The following DTX1 variants were observed in gnomAD, a reference collection of about 807,000 sequenced individuals.
The protein encoded by DTX1 is E3 ubiquitin-protein ligase DTX1.
In DTX1, 26 loss-of-function variants were observed where a neutral mutation model predicts 57.8. The ratio of observed to expected loss-of-function variants is 0.45; its 90% CI spans 0.33 to 0.62. The LOEUF is 0.62. Among genes scored for constraint, DTX1 ranks in the 20% least tolerant of loss-of-function variants. The pLI is 0.02. For missense variants in DTX1, 704 were observed against 895.3 expected, an observed-to-expected ratio of 0.79 and a Z score of 2.73; for synonymous variants, 398 against 394.1, an observed-to-expected ratio of 1.01 and a Z score of -0.12.
chr12:113,057,334 C>T (rs1421378608), intron 1 of DTX1, 115 bp from the exon 2 acceptor site: 1 of 152,536 alleles, frequency 6.6e-6, no homozygotes, highest in East Asian at 1.9e-4. Flanking sequence ...GTACGCCCCC[C>T]TTGCTGTCCC....
chr12:113,066,062 C>T (rs3809163), intron 2 of DTX1, among the ~76,000 whole-genome samples: 10,820 of 152,178 alleles, frequency 0.071, 1,064 homozygotes, highest in African/African-American at 0.22. Flanking sequence ...ATAGTCACCC[C>T]CATGAGCCCA....
chr12:113,091,089 T>G (rs1950243871), intron 3 of DTX1, among the ~76,000 whole-genome samples: 3 of 152,190 alleles, frequency 2.0e-5, no homozygotes, highest in Admixed American at 2.0e-4. Flanking sequence ...GCTGCCCACC[T>G]TACCCAGCTC....
chr12:113,065,270 C>T (rs1264789453), intron 2 of DTX1, among the ~76,000 whole-genome samples: 2 of 152,210 alleles, frequency 1.3e-5, no homozygotes, highest in African/African-American at 4.8e-5. Flanking sequence ...GGGTGTCACC[C>T]CATTTTACAC....
chr12:113,094,067 T>C lies in DTX1; in HGVS notation c.1195T>C (p.Tyr399His), dbSNP rs1380128186. The C allele has an allele frequency of 1.3e-6, 2 of 1,544,580 alleles. No individual in the cohort carries two copies. Among genetic ancestry groups the C allele is most frequent in the East Asian group, 4.8e-5 (2 of 41,762 alleles). Residue 399 changes from tyrosine (Y) to histidine (H), a missense_variant, in exon 6 of 10, where the codon TAC becomes CAC. By Grantham distance (83) the Tyr-to-His change is moderately conservative. This residue lies in a region of DTX1 where 299 missense variants were observed against 311.2 expected (regional missense o/e 0.96). Transcript: ENST00000548759. The part of the protein sequence containing the change: ...SKNPEDVVRR[Y>H]MQKVKNPPDE... ...GAATCCCGAGGATGTGGTTCGAAGATACATGCAGAAGGTGAAAAACCCACC... is the reference window on the plus strand; with the variant it reads ...GAATCCCGAGGATGTGGTTCGAAGACACATGCAGAAGGTGAAAAACCCACC...
chr12:113,086,678 A>G (rs2044860117), intron 3 of DTX1, among the ~76,000 whole-genome samples: 1 of 151,760 alleles, frequency 6.6e-6, no homozygotes, highest in Non-Finnish European at 1.5e-5. Context: ...AATTTCTTGC[A>G]GTGATTTTAT....
At chr12:113,060,044 C>T (rs1265764137) in intron 2 of DTX1, among the ~76,000 whole-genome samples, 1 of 152,092 alleles carries the variant, frequency 6.6e-6, no homozygotes, top group Non-Finnish European at 1.5e-5. Context: ...ATTGAACTTT[C>T]CAATAGTCCG....
Position 113,094,932 on chromosome 12 carries a change from C to T in DTX1, c.1371C>T (p.Tyr457=), listed in dbSNP as rs761649108. 21 of 1,613,090 alleles carry T rather than the reference C, an allele frequency of 1.3e-5. No homozygotes were observed. The highest frequency in any genetic ancestry group is 1.8e-5 in the Non-Finnish European group (21 of 1,179,414). The change falls in exon 7 of 10, where the codon TAC becomes TAT. Residue 457 remains tyrosine (Y), a synonymous_variant. Transcript: ENST00000548759. ...ACCTGCTGTGCCTCGTGGCCATGTA[C>T]TCCAATGGCAACAAGGTGGGTTGGG... ...MYHLLCLVAM[Y]SNGNKDGSLQ... is the part of the protein sequence containing the mutation.
At chr12:113,087,144 C>G (rs1283334755) in intron 3 of DTX1, among the ~76,000 whole-genome samples, 1 of 151,590 alleles carries the variant, frequency 6.6e-6, no homozygotes, top group East Asian at 1.9e-4. Context: ...ACCCCCGCAG[C>G]CCCCATACCT....
At position 113,095,009 on chromosome 12, in the gene DTX1, GC is replaced by G. The variant is rs763025523; in HGVS notation, c.1387-32del. On this transcript the variant is annotated intron_variant, in intron 7 of 9. Transcript: ENST00000548759. The stretch of plus-strand genomic sequence containing the variant: ...GGAACGGAGTGGGGTTTGGGGGGGT[GC>G]TGGGAACTCACTGCCAGCCTCCCCT... The G allele has an allele frequency of 1.2e-5, 20 of 1,603,932 alleles. No homozygotes were observed. The African/African-American group carries it at 2.3e-4, about 18-fold the overall frequency.
intron 2 of DTX1, among the ~76,000 whole-genome samples, chr12:113,059,035 C>T (rs1474971576): frequency 2.0e-5 from 3 of 151,498 alleles, no homozygotes; most frequent in Admixed American, 6.6e-5. Flanking sequence ...GGGGTGGAGT[C>T]GTGCTGGTGG....
chr12:113,097,106 G>T lies in DTX1; in HGVS notation c.*167G>T. ...GTGGCAGCTGGGATGAAGAGAGATG[G>T]CATGTCAGGCTGGCCCCGAATCATA... is the stretch of plus-strand genomic sequence containing the variant. On this transcript the variant is annotated 3_prime_UTR_variant, in exon 10 of 10. Coordinates refer to ENST00000548759, the MANE Select transcript of DTX1 (RefSeq NM_004416.3). 1 of 722,860 alleles carries T rather than the reference G, an allele frequency of 1.4e-6. No homozygotes were observed. The highest frequency in any genetic ancestry group is 1.9e-5 in the South Asian group (1 of 52,446). The allele number at this position is 722,860 out of a possible 1,614,324, so 44.8% of individuals were successfully genotyped here. A position where few individuals can be genotyped will look rare whatever the true frequency, so the allele number is the denominator to read the frequency against.
chr12:113,085,516 T>C (rs920910097), intron 3 of DTX1, among the ~76,000 whole-genome samples: 1 of 152,236 alleles, frequency 6.6e-6, no homozygotes, highest in Non-Finnish European at 1.5e-5. Flanking sequence ...GAGTGGTTCC[T>C]TCTTTTGCCA....
At position 113,070,315 on chromosome 12, in the gene DTX1, C is replaced by T. The variant is rs973224115; in HGVS notation, c.260-7109C>T. Among the ~76,000 whole-genome samples the T allele has an allele frequency of 3.9e-5, 6 of 152,212 alleles. No homozygotes were observed. The South Asian group carries it at 8.3e-4, about 21-fold the overall frequency. On this transcript the variant is annotated intron_variant, in intron 2 of 9. Transcript: ENST00000548759. ...TGGGGCCCAGCCACTGCCCAACCCC[C>T]GGTCACAGGCCTCAGCCTGTGGTGG... is the stretch of plus-strand genomic sequence containing the variant.
At chr12:113,068,712 G>T (rs1396198759) in intron 2 of DTX1, among the ~76,000 whole-genome samples, 1 of 152,212 alleles carries the variant, frequency 6.6e-6, no homozygotes, top group African/African-American at 2.4e-5. Flanking sequence ...GAGCAGAGGA[G>T]TGACACAGTC....
intron 3 of DTX1, among the ~76,000 whole-genome samples, chr12:113,091,243 CTCTG>C (rs1950245077): frequency 6.7e-6 from 1 of 149,406 alleles, no homozygotes; most frequent in Admixed American, 6.7e-5. Flanking sequence ...GTGCACAAGT[CTCTG>C]TATGTAGGTG....
intron 2 of DTX1, among the ~76,000 whole-genome samples, chr12:113,070,837 C>T (rs897850913): frequency 6.6e-6 from 1 of 152,234 alleles, no homozygotes; most frequent in African/African-American, 2.4e-5. Flanking sequence ...CCTCTGCTCT[C>T]ACCCTCCCAA....
Position 113,094,021 on chromosome 12 carries a change from C to A in DTX1, c.1166-17C>A. 2 of 1,569,184 alleles carry A rather than the reference C, an allele frequency of 1.3e-6. No individual in the cohort carries two copies. Among genetic ancestry groups the A allele is most frequent in the Non-Finnish European group, 1.7e-6 (2 of 1,155,912 alleles). ...GACTCTGGGTACCCTCAAACCCACC[C>A]CGCTGTGTCCCTGCAGGTAAGAATC... On this transcript the variant is annotated splice_polypyrimidine_tract_variant and intron_variant, in intron 5 of 9. Transcript: ENST00000548759.
At position 113,057,525 on chromosome 12, in the gene DTX1, C is replaced by T. The variant is rs1566011324; in HGVS notation, c.-668C>T. 2 of 152,096 alleles carry T rather than the reference C, an allele frequency of 1.3e-5. No individual in the cohort carries two copies. Among genetic ancestry groups the T allele is most frequent in the Admixed American group, 1.3e-4 (2 of 15,286 alleles). 9.4% of individuals were successfully genotyped at this position (152,096 alleles called of 1,614,324 possible). A position where few individuals can be genotyped will look rare whatever the true frequency, so the allele number is the denominator to read the frequency against. The stretch of plus-strand genomic sequence containing the variant: ...TCCCCCTCGTCCCCCAGCCCAGCTC[C>T]GGAGCCGCAGTCCAGGCGCGCCGCC... On this transcript the variant is annotated 5_prime_UTR_variant, in exon 2 of 10. Transcript: ENST00000548759.
intron 3 of DTX1, among the ~76,000 whole-genome samples, chr12:113,084,104 CAGTGGGGGCAG>C (rs1487133281): frequency 6.6e-6 from 1 of 152,218 alleles, no homozygotes; most frequent in Non-Finnish European, 1.5e-5. Context: ...GTCACCCAGC[CAGTGGGGGCAG>C]AGTATCCACC....
Sources: allele counts gnomAD v4.1 joint callset (sites outside exome capture counted in the v4.1 genomes callset), GRCh38; gene constraint gnomAD v4.1.1; regional missense constraint gnomAD v4.1.1; transcripts MANE v1.5; gene names NCBI Gene and HGNC (gene_info 2026-07-23, HGNC 2026-07-21).